NRG1: variants seen among roughly 807,000 people sequenced by gnomAD.
NRG1 encodes neuregulin 1.
NRG1 carries 18 observed loss-of-function variants against 63.8 expected under a neutral mutation model. The ratio of observed to expected loss-of-function variants is 0.28; its 90% CI spans 0.19 to 0.42. The LOEUF (loss-of-function observed/expected upper bound fraction) is 0.42. Among genes scored for constraint, NRG1 ranks in the 10% least tolerant of loss-of-function variants. The pLI is 1.00. For synonymous variants in NRG1, 302 were observed against 301.3 expected (o/e 1.00, Z -0.02); for missense variants, 762 against 814.7 (o/e 0.94, Z 0.79).
intron 1 of NRG1, among the ~76,000 whole-genome samples, chr8:32,076,730 A>AG (rs1826623597): frequency 6.6e-6 from 1 of 151,760 alleles, no homozygotes; most frequent in Non-Finnish European, 1.5e-5. Context: ...TAAAAAAAAA[A>AG]AAAATTAAGT....
chr8:32,501,683 A>G (rs1827869056), intron 1 of NRG1, among the ~76,000 whole-genome samples: 1 of 152,268 alleles, frequency 6.6e-6, no homozygotes, highest in African/African-American at 2.4e-5. Flanking sequence ...GGAAGATAAC[A>G]TAATCATAAA....
chr8:31,770,044 T>A (rs1012527361), intron 1 of NRG1, among the ~76,000 whole-genome samples: 2 of 152,134 alleles, frequency 1.3e-5, no homozygotes, highest in African/African-American at 4.8e-5. Flanking sequence ...AAAGTCAGAC[T>A]GTATCCTAGA....
intron 1 of NRG1, among the ~76,000 whole-genome samples, chr8:31,880,256 T>C (rs1264508220): frequency 6.6e-6 from 1 of 152,236 alleles, no homozygotes; most frequent in Non-Finnish European, 1.5e-5. Context: ...GATTGTTTTA[T>C]AGGGAGGGGG....
chr8:32,576,086 C>T (rs73234167), intron 1 of NRG1, among the ~76,000 whole-genome samples: 33,900 of 152,026 alleles, frequency 0.22, 4,011 homozygotes, highest in Non-Finnish European at 0.26. Context: ...CTAAAGCAAG[C>T]TATTTAGCAT....
chr8:32,490,499 T>G (rs2129494679), intron 1 of NRG1, among the ~76,000 whole-genome samples: 1 of 152,250 alleles, frequency 6.6e-6, no homozygotes, highest in Non-Finnish European at 1.5e-5. Context: ...GGCTTTGTAT[T>G]CATGAAGTGG....
intron 1 of NRG1, among the ~76,000 whole-genome samples, chr8:32,595,452 G>A (rs975034326): frequency 4.6e-5 from 7 of 152,130 alleles, no homozygotes; most frequent in Admixed American, 2.6e-4. Context: ...GCCTCCGTAA[G>A]TTGGGGGATT....
At chr8:32,209,413 C>A (rs552708854) in intron 1 of NRG1, among the ~76,000 whole-genome samples, 123 of 151,922 alleles carry the variant, frequency 8.1e-4, no homozygotes, top group Non-Finnish European at 1.6e-3. Flanking sequence ...TAAATCCACC[C>A]ATTTGAAGTG....
At chr8:32,365,613 T>C (rs1807864795) in intron 1 of NRG1, among the ~76,000 whole-genome samples, 1 of 152,198 alleles carries the variant, frequency 6.6e-6, no homozygotes, top group Non-Finnish European at 1.5e-5. Context: ...CTTTTTTCCA[T>C]AAATGGCTAA....
intron 1 of NRG1, among the ~76,000 whole-genome samples, chr8:32,293,303 G>C (rs1229470662): frequency 6.6e-6 from 1 of 152,106 alleles, no homozygotes; most frequent in African/African-American, 2.4e-5. Context: ...GACAGGGGGT[G>C]TTTTGAGATA....
chr8:32,425,813 A>G (rs36100132), intron 1 of NRG1, among the ~76,000 whole-genome samples: 4,464 of 152,300 alleles, frequency 0.029, 91 homozygotes, highest in Non-Finnish European at 0.037. Flanking sequence ...TAAGAAAAGT[A>G]TACATGAATT....
intron 1 of NRG1, among the ~76,000 whole-genome samples, chr8:32,290,391 T>G (rs966030006): frequency 6.6e-6 from 1 of 152,114 alleles, no homozygotes; most frequent in Admixed American, 6.6e-5. Flanking sequence ...TATAATTTAT[T>G]CTTAATGCTC....
At chr8:31,918,902 G>C (rs927786038) in intron 1 of NRG1, among the ~76,000 whole-genome samples, 2 of 152,130 alleles carry the variant, frequency 1.3e-5, no homozygotes, top group East Asian at 3.9e-4. Flanking sequence ...TGTATTCAGA[G>C]ATTCAACTTC....
intron 1 of NRG1, among the ~76,000 whole-genome samples, chr8:31,697,084 T>C (rs1810145441): frequency 6.6e-6 from 1 of 152,184 alleles, no homozygotes; most frequent in Non-Finnish European, 1.5e-5. Flanking sequence ...CTGTGAAGTT[T>C]TCTTTTTCTG....
chr8:32,276,678 A>AT (rs1281298140), intron 1 of NRG1, among the ~76,000 whole-genome samples: 3 of 152,040 alleles, frequency 2.0e-5, no homozygotes, highest in South Asian at 2.1e-4. Flanking sequence ...CCAATGTTAT[A>AT]TTTTTTGTAG....
At chr8:32,472,869 A>T (rs532754117) in intron 1 of NRG1, among the ~76,000 whole-genome samples, 5 of 152,330 alleles carry the variant, frequency 3.3e-5, no homozygotes, top group African/African-American at 1.2e-4. Context: ...ATGGAAAGTT[A>T]ATATCTTTAT....
At chr8:31,643,851 A>G (rs1215973648) in intron 1 of NRG1, among the ~76,000 whole-genome samples, 7 of 152,246 alleles carry the variant, frequency 4.6e-5, no homozygotes, top group Admixed American at 4.6e-4. Flanking sequence ...AAAAAGGAGT[A>G]CAAACACTGA....
chr8:32,041,647 G>A (rs959110315), intron 1 of NRG1, among the ~76,000 whole-genome samples: 9 of 152,170 alleles, frequency 5.9e-5, no homozygotes, highest in African/African-American at 2.2e-4. Context: ...GAGAAAGTAG[G>A]TCCCAAGATA....
At chr8:31,823,764 A>G (rs541729104) in intron 1 of NRG1, among the ~76,000 whole-genome samples, 1 of 152,300 alleles carries the variant, frequency 6.6e-6, no homozygotes, top group African/African-American at 2.4e-5. Context: ...GATTATTGCA[A>G]TCTGGGCAAT....
chr8:32,614,530 G>T, exon 4 of NRG1: 1 of 1,612,062 alleles, frequency 6.2e-7, no homozygotes, highest in Non-Finnish European at 8.5e-7. Flanking sequence ...TCACTGGTAT[G>T]CCAGCCTCAA....
Sources: gnomAD v4.1 joint callset for allele counts (sites outside exome capture counted in the v4.1 genomes callset) on GRCh38, gnomAD v4.1.1 for gene constraint, MANE v1.5 for transcripts, NCBI Gene and HGNC (gene_info 2026-07-23, HGNC 2026-07-21) for gene names.